Variants in FKBP1A observed in about 807,000 individuals in gnomAD.
FKBP1A encodes the protein peptidyl-prolyl cis-trans isomerase FKBP1A.
Under a neutral mutation model 14.2 loss-of-function variants are expected in FKBP1A, and 5 were observed. The ratio of observed to expected loss-of-function variants is 0.35; its 90% confidence interval spans 0.18 to 0.74. FKBP1A has a LOEUF of 0.74. Among genes scored for constraint, FKBP1A ranks in the 30% least tolerant of loss-of-function variants. The pLI is 0.56. For synonymous variants in FKBP1A, 42 were observed against 49.1 expected (o/e 0.86, Z 0.60); for missense variants, 53 against 138.8 (o/e 0.38, Z 3.10).
At chr20:1,373,685 T>C (rs1284995943) in intron 3 of FKBP1A, among the ~76,000 whole-genome samples, 6 of 152,128 alleles carry the variant, frequency 3.9e-5, no homozygotes, top group African/African-American at 1.4e-4. Context: ...GGAAGTGAAG[T>C]AGGCCGATAA....
chr20:1,373,033 C>T (rs1320721141), intron 3 of FKBP1A: 1 of 152,220 alleles, frequency 6.6e-6, no homozygotes, highest in Non-Finnish European at 1.5e-5. Flanking sequence ...CTTATCTCTG[C>T]TTTTGGTCTC....
At chr20:1,374,817 G>C (rs1191918502) in intron 3 of FKBP1A, 1 of 152,818 alleles carries the variant, frequency 6.5e-6, no homozygotes, top group Non-Finnish European at 1.5e-5. Context: ...CTAGGCAGCT[G>C]TAACAGAGCT....
intron 2 of FKBP1A, 122 bp from the exon 3 acceptor site, chr20:1,375,725 TAGGG>T: frequency 1.4e-6 from 1 of 730,732 alleles, no homozygotes; most frequent in Non-Finnish European, 2.4e-6. Flanking sequence ...CTGCAGTATC[TAGGG>T]AGGGTTTCCT....
chr20:1,372,989 T>G (rs1220284857), intron 3 of FKBP1A: 3 of 152,240 alleles, frequency 2.0e-5, no homozygotes, highest in African/African-American at 4.8e-5. Flanking sequence ...TTCTGAACAG[T>G]GAGCAGGTTC....
At chr20:1,374,355 A>C (rs1215862080) in intron 3 of FKBP1A, 1 of 152,234 alleles carries the variant, frequency 6.6e-6, no homozygotes, top group Non-Finnish European at 1.5e-5. Flanking sequence ...GAGATTAGGA[A>C]ACACACTCAA....
chr20:1,376,500 G>C (rs1276062376), intron 2 of FKBP1A, among the ~76,000 whole-genome samples: 2 of 152,142 alleles, frequency 1.3e-5, no homozygotes. Context: ...TTGCAGTGGT[G>C]GCCCTTCAAG....
At chr20:1,375,661 A>C in intron 2 of FKBP1A, 58 bp from the exon 3 acceptor site, 3 of 1,233,634 alleles carry the variant, frequency 2.4e-6, no homozygotes, top group Non-Finnish European at 3.6e-6. Context: ...ACAAGTCAGA[A>C]ACCAGCAGCA....
intron 2 of FKBP1A, 52 bp downstream of exon 2, chr20:1,392,782 C>T (rs2089755913): frequency 1.4e-6 from 2 of 1,401,012 alleles, no homozygotes; most frequent in Admixed American, 2.6e-5. Context: ...CCAGCCGCAC[C>T]CGGGCTGCGG....
chr20:1,385,974 AAC>A (rs542316168), intron 2 of FKBP1A, among the ~76,000 whole-genome samples: 159 of 152,352 alleles, frequency 1.0e-3, no homozygotes, highest in African/African-American at 3.6e-3. Flanking sequence ...GCTTATACAC[AAC>A]AGTCTTGCTT....
rs1239598656 is a variant in FKBP1A, at chr20:1,379,690, G to A, written c.86-4087C>T. ...CTAAGGAGAAATCTTCGCAGGGCAG[G>A]GTTGGGTGGTGGCAGTGATGTTGGG... On this transcript the variant is annotated intron_variant, in intron 2 of 4. Coordinates refer to ENST00000400137, the MANE Select transcript of FKBP1A (RefSeq NM_000801.5). The surrounding 1 kb of genome is among the most constrained non-coding windows in gnomAD (Gnocchi z 4.3). 1.3e-5 allele frequency among the ~76,000 whole-genome samples: 2 copies of A among 152,190 alleles called. No homozygotes were observed. The highest frequency in any genetic ancestry group is 2.9e-5 in the Non-Finnish European group (2 of 68,040).
rs1040097127 is a variant in FKBP1A at position 1,369,895 on chromosome 20, T to A, written c.*214A>T. 1.1e-6 allele frequency: 1 copy of A among 914,948 alleles called. No individual in the cohort carries two copies. The highest frequency in any genetic ancestry group is 1.7e-5 in the African/African-American group (1 of 59,220). 56.7% of individuals were successfully genotyped at this position (914,948 alleles called of 1,614,324 possible). ...TGAGGTTTATGGCATATAGTTTAGG[T>A]AAACACACATACGAGGAGAAAGGGG... On this transcript the variant is annotated 3_prime_UTR_variant, in exon 5 of 5. Coordinates refer to ENST00000400137, the MANE Select transcript of FKBP1A (RefSeq NM_000801.5).
intron 3 of FKBP1A, among the ~76,000 whole-genome samples, chr20:1,373,851 AC>A (rs1364847159): frequency 9.6e-5 from 9 of 93,692 alleles, no homozygotes; most frequent in African/African-American, 2.6e-4. Flanking sequence ...GACTAGGGAG[AC>A]AGAGGCAAAA....
At chr20:1,375,360 T>G in intron 3 of FKBP1A, 131 bp downstream of exon 3, 1 of 646,530 alleles carries the variant, frequency 1.5e-6, no homozygotes. Context: ...GTGGGGGTAT[T>G]GGTCAGATGG....
At chr20:1,376,728 A>C (rs1313491701) in intron 2 of FKBP1A, 1 of 152,198 alleles carries the variant, frequency 6.6e-6, no homozygotes, top group Non-Finnish European at 1.5e-5. Context: ...GTAAATTTAT[A>C]ATTTAGTAAA....
chr20:1,392,708 G>T, intron 2 of FKBP1A, 126 bp downstream of exon 2: 1 of 592,866 alleles, frequency 1.7e-6, no homozygotes, highest in Non-Finnish European at 2.5e-6. Context: ...TCAGCCTCGG[G>T]CCATGCGGAC....
intron 2 of FKBP1A, among the ~76,000 whole-genome samples, chr20:1,376,143 C>T (rs1425738188): frequency 6.6e-6 from 1 of 152,062 alleles, no homozygotes; most frequent in Non-Finnish European, 1.5e-5. Context: ...CTAATTGTGA[C>T]CTACACACAT....
chr20:1,385,817 C>A (rs2089664037), intron 2 of FKBP1A, among the ~76,000 whole-genome samples: 1 of 152,220 alleles, frequency 6.6e-6, no homozygotes, highest in African/African-American at 2.4e-5. Flanking sequence ...GCTGTTCTCT[C>A]TGCCTAAAAT....
chr20:1,374,667 T>C lies in FKBP1A; in HGVS notation c.198+824A>G, dbSNP rs556760888. 8 of 152,276 alleles carry C rather than the reference T, an allele frequency of 5.3e-5. No homozygotes were observed. In the East Asian group the frequency reaches 1.4e-3, roughly 26 times the overall value. The allele number at this position is 152,276 out of a possible 1,614,324, so 9.4% of individuals were successfully genotyped here. On this transcript the variant is annotated intron_variant, in intron 3 of 4. Transcript: ENST00000400137. Reference sequence around the variant, plus strand: ...TCTGAGAGTAAGTCCTATGGCAACATGTGCACACGTGGAAAATGAAGTCTG... The same window carrying C: ...TCTGAGAGTAAGTCCTATGGCAACACGTGCACACGTGGAAAATGAAGTCTG...
Position 1,372,151 on chromosome 20 carries a change from G to T in FKBP1A, c.288C>A (p.Ala96=). 1 of 1,613,790 alleles carries T rather than the reference G, an allele frequency of 6.2e-7. No individual in the cohort carries two copies. Among genetic ancestry groups the T allele is most frequent in the Non-Finnish European group, 8.5e-7 (1 of 1,179,768 alleles). ...TGHPGIIPPH[A]TLVFDVELLK... ...GAAGCTCCACATCGAAGACGAGAGT[G>T]GCATGTGGTGGGATGATGCCTGGGT... The change falls in exon 4 of 5, where the codon GCC becomes GCA. Residue 96 remains alanine, a synonymous_variant. Coordinates refer to ENST00000400137, the MANE Select transcript of FKBP1A (RefSeq NM_000801.5).
Sources: gnomAD v4.1 joint callset for allele counts (sites outside exome capture counted in the v4.1 genomes callset) on GRCh38, gnomAD v4.1.1 for gene constraint, Gnocchi (gnomAD v3.1) non-coding constraint, MANE v1.5 for transcripts, NCBI Gene and HGNC (gene_info 2026-07-23, HGNC 2026-07-21) for gene names.